The following COX10 variants were observed in gnomAD, a reference collection of about 807,000 sequenced individuals.
COX10 encodes the protein cytochrome c oxidase assembly factor heme A:farnesyltransferase COX10.
Under a neutral mutation model 37.3 loss-of-function variants are expected in COX10, and 27 were observed. That is an observed-to-expected ratio of 0.72 (90% CI 0.53 to 1.00). The LOEUF is 1.00. Ranked by LOEUF, COX10 falls within the 50% of genes least tolerant of loss-of-function variation. COX10 has a pLI of 0.00. For missense variants in COX10, 475 were observed against 563.2 expected (o/e 0.84, Z 1.59); for synonymous variants, 222 against 229.1 (o/e 0.97, Z 0.28).
At chr17:14,189,079 CTTT>C (rs150588459) in intron 5 of COX10, among the ~76,000 whole-genome samples, 54 of 114,140 alleles carry the variant, frequency 4.7e-4, no homozygotes, top group Middle Eastern at 3.8e-3. Flanking sequence ...TCATTTTCTT[CTTT>C]TTTTTTTTTT....
chr17:14,080,582 T>C (rs540303375), intron 3 of COX10, among the ~76,000 whole-genome samples: 18 of 152,248 alleles, frequency 1.2e-4, no homozygotes, highest in Non-Finnish European at 2.4e-4. Flanking sequence ...GTTTCGCCAA[T>C]TTGATCATTG....
At chr17:14,174,226 G>A (rs2532451) in intron 5 of COX10, among the ~76,000 whole-genome samples, 277 of 152,186 alleles carry the variant, frequency 1.8e-3, no homozygotes, top group Middle Eastern at 0.01. Flanking sequence ...TTAGGAGGCC[G>A]AAGCAGGAGG....
chr17:14,174,498 C>T (rs1905594382), intron 5 of COX10, among the ~76,000 whole-genome samples: 1 of 149,732 alleles, frequency 6.7e-6, no homozygotes, highest in Admixed American at 6.6e-5. Context: ...TTTAAATAGG[C>T]CCTACTCCAA....
intron 4 of COX10, among the ~76,000 whole-genome samples, chr17:14,152,558 T>C (rs1424549003): frequency 6.6e-6 from 1 of 152,216 alleles, no homozygotes; most frequent in Non-Finnish European, 1.5e-5. Flanking sequence ...TTAGACCTTA[T>C]GCATTCCTTT....
intron 4 of COX10, among the ~76,000 whole-genome samples, chr17:14,124,697 G>T (rs999386460): frequency 6.6e-6 from 1 of 152,164 alleles, no homozygotes; most frequent in Non-Finnish European, 1.5e-5. Context: ...AGATACCTCT[G>T]TGGAGTGTTT....
chr17:14,090,992 AT>A (rs1915515880), intron 3 of COX10, among the ~76,000 whole-genome samples: 2 of 152,310 alleles, frequency 1.3e-5, no homozygotes, highest in Admixed American at 1.3e-4. Flanking sequence ...GCTTGCCACC[AT>A]TTGTAGAATT....
At chr17:14,175,598 A>G (rs1310678478) in intron 5 of COX10, among the ~76,000 whole-genome samples, 2 of 152,024 alleles carry the variant, frequency 1.3e-5, no homozygotes, top group Non-Finnish European at 2.9e-5. Flanking sequence ...TCTGTGCTAA[A>G]TGCTGGAATA....
intron 6 of COX10, among the ~76,000 whole-genome samples, chr17:14,203,318 T>A (rs1315293369): frequency 6.6e-6 from 1 of 152,126 alleles, no homozygotes; most frequent in East Asian, 1.9e-4. Context: ...ATAGGGACCC[T>A]AAAATCAGGT....
chr17:14,102,888 G>A (rs1915815953), intron 4 of COX10, among the ~76,000 whole-genome samples: 1 of 151,986 alleles, frequency 6.6e-6, no homozygotes, highest in African/African-American at 2.4e-5. Flanking sequence ...AAAACTTAAG[G>A]AAAATCGTTT....
chr17:14,134,768 C>A (rs528113982), intron 4 of COX10, among the ~76,000 whole-genome samples: 1 of 150,680 alleles, frequency 6.6e-6, no homozygotes, highest in South Asian at 2.1e-4. Flanking sequence ...AAATTAATTG[C>A]CCTCGGTGTT....
At chr17:14,105,257 G>A (rs974225333) in intron 4 of COX10, among the ~76,000 whole-genome samples, 1 of 152,078 alleles carries the variant, frequency 6.6e-6, no homozygotes, top group African/African-American at 2.4e-5. Flanking sequence ...ATGGTGAGAT[G>A]ATATTCCATT....
At chr17:14,154,130 T>C (rs995547428) in intron 4 of COX10, among the ~76,000 whole-genome samples, 44 of 152,142 alleles carry the variant, frequency 2.9e-4, no homozygotes, top group African/African-American at 9.7e-4. Context: ...GTGAGTTGGG[T>C]GGAAGAGGCG....
At chr17:14,129,164 TA>T (rs964759327) in intron 4 of COX10, among the ~76,000 whole-genome samples, 1 of 149,254 alleles carries the variant, frequency 6.7e-6, no homozygotes, top group East Asian at 2.0e-4. Flanking sequence ...TTTTTTTTTT[TA>T]AACACTGGTT....
At chr17:14,127,097 C>G (rs1257873204) in intron 4 of COX10, among the ~76,000 whole-genome samples, 1 of 152,006 alleles carries the variant, frequency 6.6e-6, no homozygotes, top group Non-Finnish European at 1.5e-5. Context: ...TTGACCAAAA[C>G]TGTGTTATAA....
chr17:14,139,394 T>C (rs1205879492), intron 4 of COX10, among the ~76,000 whole-genome samples: 1 of 152,152 alleles, frequency 6.6e-6, no homozygotes, highest in Non-Finnish European at 1.5e-5. Context: ...TTATAGCAAA[T>C]TTGCTGGTGG....
At chr17:14,081,586 C>G (rs980699266) in intron 3 of COX10, among the ~76,000 whole-genome samples, 4 of 152,142 alleles carry the variant, frequency 2.6e-5, no homozygotes, top group Non-Finnish European at 5.9e-5. Context: ...CATTCAAATC[C>G]TGGCTTTGGC....
intron 1 of COX10, among the ~76,000 whole-genome samples, chr17:14,072,464 C>T (rs1386929829): frequency 6.6e-6 from 1 of 151,912 alleles, no homozygotes; most frequent in African/African-American, 2.4e-5. Context: ...CAGGTGATCC[C>T]CCAACCTTGG....
chr17:14,110,668 TG>T (rs1454166684), intron 4 of COX10, among the ~76,000 whole-genome samples: 1 of 152,096 alleles, frequency 6.6e-6, no homozygotes, highest in Non-Finnish European at 1.5e-5. Flanking sequence ...TGATGGTTTT[TG>T]TTCTTCTGAA....
At chr17:14,138,027 CTCTGAT>C (rs1401982133) in intron 4 of COX10, among the ~76,000 whole-genome samples, 16 of 146,994 alleles carry the variant, frequency 1.1e-4, no homozygotes, top group Non-Finnish European at 2.2e-4. Flanking sequence ...AAATTTCTTA[CTCTGAT>C]TCTGATTCTT....
Sources: gnomAD v4.1 joint callset for allele counts (sites outside exome capture counted in the v4.1 genomes callset) on GRCh38, gnomAD v4.1.1 for gene constraint, MANE v1.5 for transcripts, NCBI Gene and HGNC (gene_info 2026-07-23, HGNC 2026-07-21) for gene names.